Variants in ARHGAP44 observed in about 807,000 individuals in gnomAD.
ARHGAP44 encodes the protein rho GTPase-activating protein 44.
In ARHGAP44, 43 loss-of-function variants were observed where a neutral mutation model predicts 106.8. The ratio of observed to expected loss-of-function variants is 0.40; its 90% CI spans 0.32 to 0.52. The LOEUF is 0.52. Among genes scored for constraint, ARHGAP44 ranks in the 20% least tolerant of loss-of-function variants. The probability of loss-of-function intolerance (pLI) is 0.48; values close to 1 mark genes in which losing one functional copy is unlikely to be tolerated. For missense variants in ARHGAP44, 866 were observed against 1,050.5 expected (o/e 0.82, Z 2.43); for synonymous variants, 439 against 410.3 (o/e 1.07, Z -0.85).
At chr17:12,869,506 G>T (rs1479014835) in intron 1 of ARHGAP44, among the ~76,000 whole-genome samples, 2 of 151,716 alleles carry the variant, frequency 1.3e-5, no homozygotes, top group African/African-American at 4.8e-5. Context: ...ACCATTTTCA[G>T]GTATACAGTT....
rs2040131117 is a variant in ARHGAP44, at chr17:12,991,189, G to C, written c.*1018G>C. The stretch of plus-strand genomic sequence containing the variant: ...TGAAGTCCCATCTGGTCATGGGGAC[G>C]AGGGCCGGGAGGGCACCGGGTAGCC... On this transcript the variant is annotated 3_prime_UTR_variant, in exon 21 of 21. Transcript: ENST00000379672. 6.6e-6 allele frequency: 1 copy of C among 152,590 alleles called. No homozygotes were observed. The allele number at this position is 152,590 out of a possible 1,614,324, so 9.5% of individuals were successfully genotyped here.
At chr17:12,847,809 A>G (rs1485211300) in intron 1 of ARHGAP44, among the ~76,000 whole-genome samples, 1 of 151,676 alleles carries the variant, frequency 6.6e-6, no homozygotes, top group African/African-American at 2.4e-5. Flanking sequence ...CCGGCCCATC[A>G]CTCTTTTTAA....
Position 12,984,788 on chromosome 17 carries a change from C to G in ARHGAP44, c.2197C>G (p.Arg733Gly), listed in dbSNP as rs377074868. The change falls in exon 20 of 21, where the codon CGA becomes GGA. Residue 733 changes from arginine (R) to glycine (G), a missense_variant. Around this residue, in one of 2 missense-constraint regions of ARHGAP44, gnomAD observed 418 missense variants for 403.6 expected, o/e 1.04. Coordinates refer to ENST00000379672, the MANE Select transcript of ARHGAP44 (RefSeq NM_014859.6). ...LSKSRPTPKPRQRPTLPPPQP... is the reference protein window; with the variant it reads ...LSKSRPTPKPGQRPTLPPPQP... Reference sequence around the variant, plus strand: ...CAAATCGCGGCCCACTCCTAAGCCGCGACAGAGACCTACTCTGCCGCCTCC... The same window carrying G: ...CAAATCGCGGCCCACTCCTAAGCCGGGACAGAGACCTACTCTGCCGCCTCC... 1.9e-6 allele frequency: 3 copies of G among 1,613,860 alleles called. No individual in the cohort carries two copies. In the African/African-American group the frequency reaches 4.0e-5, roughly 22 times the overall value.
At chr17:12,804,099 C>G (rs1185024419) in intron 1 of ARHGAP44, among the ~76,000 whole-genome samples, 2 of 152,298 alleles carry the variant, frequency 1.3e-5, no homozygotes, top group Middle Eastern at 3.4e-3. Flanking sequence ...TTTTTCTTCG[C>G]TTTGCCTTCA....
intron 1 of ARHGAP44, among the ~76,000 whole-genome samples, chr17:12,841,023 G>A (rs536491069): frequency 1.1e-4 from 17 of 152,236 alleles, no homozygotes; most frequent in East Asian, 3.9e-4. Flanking sequence ...ACCGTCTTCC[G>A]TGCCCGAGGG....
chr17:12,957,058 C>A (rs1035845286), intron 15 of ARHGAP44, among the ~76,000 whole-genome samples: 1 of 149,116 alleles, frequency 6.7e-6, no homozygotes, highest in Non-Finnish European at 1.5e-5. Context: ...TCAAGCAATT[C>A]TCCTGCCTCA....
intron 1 of ARHGAP44, among the ~76,000 whole-genome samples, chr17:12,824,496 G>T (rs1043591160): frequency 6.6e-6 from 1 of 152,020 alleles, no homozygotes; most frequent in African/African-American, 2.4e-5. Context: ...CCTAATTCAT[G>T]ATTTCTGCCA....
At chr17:12,847,992 G>C (rs544280197) in intron 1 of ARHGAP44, among the ~76,000 whole-genome samples, 4 of 152,148 alleles carry the variant, frequency 2.6e-5, no homozygotes, top group Non-Finnish European at 4.4e-5. Context: ...GTTATTATTA[G>C]TGTGCACTTT....
At chr17:12,989,114 A>AC (rs2040039545) in intron 20 of ARHGAP44, among the ~76,000 whole-genome samples, 3 of 148,486 alleles carry the variant, frequency 2.0e-5, no homozygotes, top group Non-Finnish European at 1.5e-5. Context: ...AAAAAAAAAA[A>AC]AAAAAAAAAA....
chr17:12,923,141 C>G (rs139748298), intron 6 of ARHGAP44, among the ~76,000 whole-genome samples: 1 of 152,144 alleles, frequency 6.6e-6, no homozygotes, highest in East Asian at 1.9e-4. Flanking sequence ...TTTATCACAT[C>G]GGTGATTTTT....
At chr17:12,844,330 G>A (rs986702597) in intron 1 of ARHGAP44, among the ~76,000 whole-genome samples, 4 of 152,194 alleles carry the variant, frequency 2.6e-5, no homozygotes, top group Admixed American at 2.0e-4. Flanking sequence ...TAACATGGCG[G>A]AAGGGGAAGT....
In ARHGAP44 at chr17:12,944,062, C is replaced by CCCT. The variant is rs531453024; in HGVS notation, c.734-5_734-3dup. On this transcript the variant is annotated splice_polypyrimidine_tract_variant and splice_region_variant and intron_variant, in intron 9 of 20. Transcript: ENST00000379672. ...GCTGACTGACTCTTTCTCACTCCTC[C>CCCT]CCTCAGAGGCCTGGGTAGAGAAGCC... 1.8e-5 allele frequency: 29 copies of CCCT among 1,595,428 alleles called. No homozygotes were observed. The highest frequency in any genetic ancestry group is 2.5e-5 in the Non-Finnish European group (29 of 1,168,526).
intron 19 of ARHGAP44, chr17:12,983,001 C>T (rs137858935): frequency 0.01 from 1,551 of 152,468 alleles, 16 homozygotes; most frequent in Non-Finnish European, 0.017. Flanking sequence ...CACCGTGGCT[C>T]ACGCCTGTAA....
intron 13 of ARHGAP44, 79 bp from the exon 14 acceptor site, chr17:12,955,788 A>C: frequency 3.8e-6 from 3 of 784,396 alleles, no homozygotes; most frequent in Non-Finnish European, 6.4e-6. Flanking sequence ...GTGACATGAG[A>C]GAAGCTTCTG....
chr17:12,823,744 A>G (rs371614918), intron 1 of ARHGAP44, among the ~76,000 whole-genome samples: 29 of 152,272 alleles, frequency 1.9e-4, no homozygotes, highest in African/African-American at 4.3e-4. Flanking sequence ...CCTTAACTCC[A>G]TCTAGCTTTC....
At chr17:12,969,436 G>A (rs776176930) in intron 16 of ARHGAP44, among the ~76,000 whole-genome samples, 23 of 152,144 alleles carry the variant, frequency 1.5e-4, no homozygotes, top group Admixed American at 2.6e-4. Flanking sequence ...ACAACAAATC[G>A]AAGGAAGAGA....
intron 1 of ARHGAP44, among the ~76,000 whole-genome samples, chr17:12,891,692 A>G (rs2037049389): frequency 6.6e-6 from 1 of 151,974 alleles, no homozygotes; most frequent in Admixed American, 6.6e-5. Context: ...GTTACCTACT[A>G]TTTACATAAC....
chr17:12,903,112 GAGA>G (rs2037428592), intron 3 of ARHGAP44, among the ~76,000 whole-genome samples: 1 of 101,216 alleles, frequency 9.9e-6, no homozygotes, highest in African/African-American at 4.6e-5. Context: ...GAGAGAGAGA[GAGA>G]GAGAGAGAGA....
At chr17:12,842,159 A>T (rs2035428736) in intron 1 of ARHGAP44, among the ~76,000 whole-genome samples, 1 of 151,844 alleles carries the variant, frequency 6.6e-6, no homozygotes, top group Non-Finnish European at 1.5e-5. Context: ...AAAAAAAAAA[A>T]AAAGTCTTTC....
Sources: allele counts gnomAD v4.1 joint callset (sites outside exome capture counted in the v4.1 genomes callset), GRCh38; gene constraint gnomAD v4.1.1; regional missense constraint gnomAD v4.1.1; transcripts MANE v1.5; gene names NCBI Gene and HGNC (gene_info 2026-07-23, HGNC 2026-07-21).